Variants in CACNA1C observed in about 807,000 individuals in gnomAD.
The protein encoded by CACNA1C is calcium voltage-gated channel subunit alpha1 C.
CACNA1C carries 30 observed loss-of-function variants against 229.0 expected under a neutral mutation model. The ratio of observed to expected loss-of-function variants is 0.13; its 90% CI spans 0.10 to 0.18. The LOEUF (loss-of-function observed/expected upper bound fraction) is 0.18. Among genes scored for constraint, CACNA1C ranks in the 10% least tolerant of loss-of-function variants. CACNA1C has a pLI of 1.00. For synonymous variants in CACNA1C, 1,114 were observed against 1,132.5 expected (o/e 0.98, Z 0.33); for missense variants, 1,658 against 2,845.0 (o/e 0.58, Z 9.49).
chr12:2,610,344 C>A (rs1182664899), intron 27 of CACNA1C, among the ~76,000 whole-genome samples, 197 bp from the exon 28 acceptor site: 1 of 152,128 alleles, frequency 6.6e-6, no homozygotes, highest in South Asian at 2.1e-4. Context: ...ATTAAGGGGG[C>A]CATGGAAAAA....
chr12:2,497,872 A>G (rs527564991), intron 7 of CACNA1C, among the ~76,000 whole-genome samples: 12 of 152,054 alleles, frequency 7.9e-5, no homozygotes, highest in Non-Finnish European at 1.8e-4. Context: ...ACAAAAATCT[A>G]ATGAGTTAAC....
chr12:2,667,685 G>A (rs1412620647), intron 37 of CACNA1C, among the ~76,000 whole-genome samples: 5 of 152,190 alleles, frequency 3.3e-5, no homozygotes, highest in Admixed American at 6.5e-5. Context: ...AAGTGCGTCC[G>A]TTGTGGCCTC....
chr12:2,149,984 A>T (rs1293050875), intron 3 of CACNA1C, among the ~76,000 whole-genome samples: 3 of 152,152 alleles, frequency 2.0e-5, no homozygotes, highest in African/African-American at 7.2e-5. Flanking sequence ...ATAACTAGTG[A>T]TGCATGGGGT....
intron 11 of CACNA1C, among the ~76,000 whole-genome samples, chr12:2,565,880 A>G: frequency 6.6e-6 from 1 of 152,194 alleles, no homozygotes; most frequent in East Asian, 1.9e-4. Context: ...AAAACTACGG[A>G]TGGCTCTGCC....
chr12:2,542,554 C>T (rs771708044), intron 9 of CACNA1C, among the ~76,000 whole-genome samples: 2 of 152,122 alleles, frequency 1.3e-5, no homozygotes, highest in South Asian at 2.1e-4. Context: ...CAAATTTCAG[C>T]GAGTAAACCC....
At chr12:2,518,733 T>C (rs1325508671) in intron 9 of CACNA1C, among the ~76,000 whole-genome samples, 2 of 152,148 alleles carry the variant, frequency 1.3e-5, no homozygotes, top group Admixed American at 1.3e-4. Flanking sequence ...TCAGATTACA[T>C]GAGAAGACAT....
At chr12:2,452,327 G>C (rs1310271263) in intron 4 of CACNA1C, among the ~76,000 whole-genome samples, 8 of 152,098 alleles carry the variant, frequency 5.3e-5, no homozygotes, top group African/African-American at 1.4e-4. Flanking sequence ...TCAGATCCAC[G>C]TGCCCCTACC....
intron 9 of CACNA1C, among the ~76,000 whole-genome samples, chr12:2,524,672 G>A (rs554572000): frequency 3.3e-5 from 5 of 152,234 alleles, no homozygotes; most frequent in African/African-American, 1.2e-4. Flanking sequence ...CCACCCCCGG[G>A]GCCTCACAGT....
chr12:2,264,659 G>A (rs890453769), intron 3 of CACNA1C, among the ~76,000 whole-genome samples: 1 of 152,222 alleles, frequency 6.6e-6, no homozygotes, highest in Non-Finnish European at 1.5e-5. Context: ...AGGGTTTGGG[G>A]AATGATTGGC....
At chr12:2,528,781 A>T (rs1221578199) in intron 9 of CACNA1C, among the ~76,000 whole-genome samples, 1 of 152,206 alleles carries the variant, frequency 6.6e-6, no homozygotes. Flanking sequence ...GGGTAAGGAA[A>T]AGTGAGGCCG....
At chr12:2,572,782 TCTCCTC>T (rs1215696392) in intron 13 of CACNA1C, among the ~76,000 whole-genome samples, 2 of 100,224 alleles carry the variant, frequency 2.0e-5, no homozygotes, top group Non-Finnish European at 4.2e-5. Context: ...CTCCTTCTCC[TCTCCTC>T]CTCCTCCTCC....
At chr12:2,019,334 C>G (rs545872377) in intron 1 of CACNA1C, among the ~76,000 whole-genome samples, 2 of 151,956 alleles carry the variant, frequency 1.3e-5, no homozygotes, top group Non-Finnish European at 2.9e-5. Flanking sequence ...TGTTGTGGCA[C>G]GTGCCTGTAG....
Position 2,689,573 on chromosome 12 carries a change from G to A in CACNA1C, c.6117+794G>A, listed in dbSNP as rs2097703636. 1.3e-5 allele frequency among the ~76,000 whole-genome samples: 2 copies of A among 152,022 alleles called. No homozygotes were observed. Among genetic ancestry groups the A allele is most frequent in the South Asian group, 4.1e-4 (2 of 4,822 alleles). On this transcript the variant is annotated intron_variant, in intron 46 of 46. Transcript: ENST00000399655. This position sits in a 1 kb window ranked among gnomAD's most constrained non-coding sequence, Gnocchi z 4.2. ...AAGATGAGAGGGGCTTGCCTGAAAG[G>A]TAGTGAGCCCCCCATCATCAGACAT...
chr12:1,996,633 AAAAAAAAAAAAAAAAAAAAAAAC>A (rs1299310319), intron 1 of CACNA1C, among the ~76,000 whole-genome samples: 36 of 115,826 alleles, frequency 3.1e-4, no homozygotes, highest in Admixed American at 2.7e-4. Flanking sequence ...AAAAAAAAAA[AAAAAAAAAAAAAAAAAAAAAAAC>A]AACAAACTCT....
At chr12:2,345,807 T>C (rs1017329322) in intron 3 of CACNA1C, among the ~76,000 whole-genome samples, 1 of 152,204 alleles carries the variant, frequency 6.6e-6, no homozygotes, top group Non-Finnish European at 1.5e-5. Flanking sequence ...CGTGATCATC[T>C]GTCCCTGAGG....
intron 1 of CACNA1C, among the ~76,000 whole-genome samples, chr12:2,017,222 C>G (rs1328132413): frequency 6.6e-6 from 1 of 152,168 alleles, no homozygotes; most frequent in African/African-American, 2.4e-5. Flanking sequence ...TGGTGGCACT[C>G]TGATGCTAGG....
intron 3 of CACNA1C, among the ~76,000 whole-genome samples, chr12:2,417,245 T>C (rs1208444423): frequency 6.6e-6 from 1 of 152,084 alleles, no homozygotes; most frequent in Non-Finnish European, 1.5e-5. Flanking sequence ...GCGATGCGGG[T>C]TGTATCTGTG....
Position 2,059,214 on chromosome 12 carries a change from C to T in CACNA1C, c.49+5603C>T, listed in dbSNP as rs760748392. ...AGAGCTGTGAGATGGCTGGAGCCTC[C>T]GAGAGCTGAGATGCAGAAGGTGAGG... On this transcript the variant is annotated intron_variant, in intron 1 of 46. Coordinates refer to ENST00000399655, the MANE Select transcript of CACNA1C (RefSeq NM_000719.7). 1.7e-3 allele frequency among the ~76,000 whole-genome samples: 253 copies of T among 152,102 alleles called. 2 individuals carry two copies. The highest frequency in any genetic ancestry group is 4.4e-4 in the Non-Finnish European group (30 of 67,980).
chr12:2,556,592 T>A (rs1489640611), intron 10 of CACNA1C, among the ~76,000 whole-genome samples: 1 of 152,188 alleles, frequency 6.6e-6, no homozygotes, highest in Non-Finnish European at 1.5e-5. Flanking sequence ...TTTCTGCTGT[T>A]GGGGTCCTCT....
Sources: gnomAD v4.1 joint callset for allele counts (sites outside exome capture counted in the v4.1 genomes callset) on GRCh38, gnomAD v4.1.1 for gene constraint, Gnocchi (gnomAD v3.1) non-coding constraint, MANE v1.5 for transcripts, NCBI Gene and HGNC (gene_info 2026-07-23, HGNC 2026-07-21) for gene names.